Variants in NUDT13 observed in about 807,000 individuals in gnomAD.
The protein encoded by NUDT13 is NAD(P)H pyrophosphatase NUDT13, mitochondrial.
In NUDT13, 40 loss-of-function variants were observed where a neutral mutation model predicts 41.7. The observed-to-expected ratio is 0.96, with a 90% confidence interval of 0.75 to 1.25. NUDT13 has a LOEUF of 1.25. NUDT13 is among the 50% of genes most tolerant of loss of function. NUDT13 has a pLI of 0.00. For synonymous variants in NUDT13, 145 were observed against 155.5 expected, an observed-to-expected ratio of 0.93 and a Z score of 0.50; for missense variants, 390 against 416.1, an observed-to-expected ratio of 0.94 and a Z score of 0.55.
Position 73,130,794 on chromosome 10 carries a change from A to G in NUDT13, c.950A>G (p.Gln317Arg), listed in dbSNP as rs112073647. 9.9e-6 allele frequency: 16 copies of G among 1,613,870 alleles called. No individual in the cohort carries two copies. In the South Asian group the frequency reaches 1.6e-4, roughly 17 times the overall value. Residue 317 changes from glutamine (Q) to arginine (R), a missense_variant, in exon 9 of 9, where the codon CAG becomes CGG. Physicochemically the swap from Gln to Arg is conservative, Grantham distance 43 (BLOSUM62 1). Transcript: ENST00000357321. ...CTGAAGAGAAAGGGCCCCTATACTCAGCAACAGAATGGGACTTTCCCATTC... is the reference window on the plus strand; with the variant it reads ...CTGAAGAGAAAGGGCCCCTATACTCGGCAACAGAATGGGACTTTCCCATTC... Reference protein sequence around the residue: ...TALKRKGPYTQQQNGTFPFWL... With the variant: ...TALKRKGPYTRQQNGTFPFWL...
At position 73,125,245 on chromosome 10, in the gene NUDT13, TA is replaced by T; in HGVS notation, c.591+4del. 10 of 1,608,196 alleles carry T rather than the reference TA, an allele frequency of 6.2e-6. No individual in the cohort carries two copies. Among genetic ancestry groups the T allele is most frequent in the Non-Finnish European group, 8.5e-6 (10 of 1,177,636 alleles). On this transcript the variant is annotated splice_donor_region_variant and intron_variant, in intron 6 of 8. Transcript: ENST00000357321. ...AATAATATAATCTATTATCCACAGG[TA>T]ATTATTGCTGTAAGAGGACAGTAAT...
intron 2 of NUDT13, among the ~76,000 whole-genome samples, chr10:73,119,136 C>T (rs1159311470): frequency 1.3e-5 from 2 of 151,818 alleles, no homozygotes; most frequent in Non-Finnish European, 2.9e-5. Context: ...ACCTTCGCCT[C>T]CCAGGTTCAA....
chr10:73,122,504 C>T (rs992899748), intron 4 of NUDT13, among the ~76,000 whole-genome samples, 195 bp downstream of exon 4: 3 of 152,174 alleles, frequency 2.0e-5, no homozygotes, highest in East Asian at 1.9e-4. Flanking sequence ...TTAATGCCTT[C>T]TAAGTTAGGT....
At chr10:73,113,198 T>G (rs1307446861) in intron 1 of NUDT13, among the ~76,000 whole-genome samples, 2 of 152,200 alleles carry the variant, frequency 1.3e-5, no homozygotes, top group Non-Finnish European at 2.9e-5. Context: ...TTCTATTTGT[T>G]CTTAAGTCGC....
At chr10:73,117,166 C>T (rs747091225) in intron 2 of NUDT13, among the ~76,000 whole-genome samples, 55 of 151,212 alleles carry the variant, frequency 3.6e-4, no homozygotes, top group Non-Finnish European at 6.2e-4. Context: ...TACAGGAGTA[C>T]GCCACCACGC....
chr10:73,112,477 G>A (rs928840136), intron 1 of NUDT13, among the ~76,000 whole-genome samples: 1 of 151,294 alleles, frequency 6.6e-6, no homozygotes, highest in South Asian at 2.1e-4. Context: ...TTTTTCTCCA[G>A]CTTTATTAAG....
At chr10:73,111,996 C>T (rs906594411) in intron 1 of NUDT13, among the ~76,000 whole-genome samples, 1 of 152,082 alleles carries the variant, frequency 6.6e-6, no homozygotes, top group African/African-American at 2.4e-5. Context: ...TTGTCTTCAT[C>T]CCACTCCCCC....
intron 3 of NUDT13, among the ~76,000 whole-genome samples, chr10:73,121,650 C>A (rs187902692): frequency 9.2e-5 from 14 of 152,244 alleles, no homozygotes; most frequent in Non-Finnish European, 1.9e-4. Context: ...CCTTGAACTC[C>A]TTGGCTCAAG....
At chr10:73,125,663 A>G (rs1046565950) in intron 7 of NUDT13, 154 bp downstream of exon 7, 1 of 131,896 alleles carries the variant, frequency 7.6e-6, no homozygotes, top group Admixed American at 7.9e-5. Flanking sequence ...ATATATATAT[A>G]TATATATATA....
At chr10:73,123,680 T>C (rs1188028041) in intron 4 of NUDT13, among the ~76,000 whole-genome samples, 1 of 152,124 alleles carries the variant, frequency 6.6e-6, no homozygotes, top group Non-Finnish European at 1.5e-5. Context: ...TTATTTATTT[T>C]GAGATGGAGT....
intron 3 of NUDT13, among the ~76,000 whole-genome samples, chr10:73,120,494 A>G (rs1363824027): frequency 6.6e-6 from 1 of 152,190 alleles, no homozygotes; most frequent in African/African-American, 2.4e-5. Context: ...GTCTATGGCT[A>G]CTTTTGCACT....
rs1166516974 is a variant in NUDT13 at position 73,126,658 on chromosome 10, T to C, written c.704-15T>C. ...AGCCTACAGGGCTGTCCTGAATTAA[T>C]CTGAGTGCTTGTAGGTGAAAGTGTG... On this transcript the variant is annotated splice_polypyrimidine_tract_variant and intron_variant, in intron 7 of 8. Transcript: ENST00000357321. 6.2e-7 allele frequency: 1 copy of C among 1,613,862 alleles called. No homozygotes were observed. Among genetic ancestry groups the C allele is most frequent in the South Asian group, 1.1e-5 (1 of 91,060 alleles).
chr10:73,113,139 G>A (rs1372041916), intron 1 of NUDT13, among the ~76,000 whole-genome samples: 4 of 152,096 alleles, frequency 2.6e-5, no homozygotes, highest in African/African-American at 4.8e-5. Flanking sequence ...CGCCCGCCTC[G>A]GCCTCCCAAA....
intron 3 of NUDT13, among the ~76,000 whole-genome samples, chr10:73,121,617 A>G (rs934506995): frequency 1.3e-4 from 20 of 152,138 alleles, no homozygotes; most frequent in African/African-American, 4.1e-4. Context: ...TAATTATAGA[A>G]CTGGATTGGT....
At position 73,110,511 on chromosome 10, in the gene NUDT13, T is replaced by C. The variant is rs1457374342; in HGVS notation, c.-66T>C. The C allele has an allele frequency of 6.6e-6, 1 of 152,062 alleles. No homozygotes were observed. Among genetic ancestry groups the C allele is most frequent in the African/African-American group, 2.4e-5 (1 of 41,390 alleles). The allele number at this position is 152,062 out of a possible 1,614,324, so 9.4% of individuals were successfully genotyped here. On this transcript the variant is annotated 5_prime_UTR_variant, in exon 1 of 9. Coordinates refer to ENST00000357321, the MANE Select transcript of NUDT13 (RefSeq NM_015901.6). ...AGCCGTTGAACGTGAACATTTGGAG[T>C]TTCCTCTTTTGTGCTGATTCCTGAG... is the stretch of plus-strand genomic sequence containing the variant.
In NUDT13 at chr10:73,114,436, T is replaced by C. The variant is rs143864075; in HGVS notation, c.71T>C (p.Val24Ala). The change falls in exon 2 of 9, where the codon GTT becomes GCT. Residue 24 changes from valine (V) to alanine (A), a missense_variant. Transcript: ENST00000357321. The stretch of plus-strand genomic sequence containing the variant: ...TGCTATAGGCTGCTGTCAACCTATG[T>C]TACTAAGACACGGTGAGTTTTAGCC... ...FWCYRLLSTY[V>A]TKTRYLFELK... is the part of the protein sequence containing the mutation. 4,608 of 1,578,248 alleles carry C rather than the reference T, an allele frequency of 2.9e-3. 29 individuals are homozygous for C. The highest frequency in any genetic ancestry group is 0.011 in the South Asian group (966 of 84,698).
intron 4 of NUDT13, 67 bp from the exon 5 acceptor site, chr10:73,124,138 AACAGGATAG>A (rs1320076529): frequency 1.0e-6 from 1 of 996,994 alleles, no homozygotes; most frequent in Non-Finnish European, 1.6e-6. Context: ...ACACTATTTT[AACAGGATAG>A]ACTGGAGAGA....
chr10:73,114,414 T>TATA lies in NUDT13; in HGVS notation c.50_52dup (p.Tyr17_Arg18insAsn). The stretch of plus-strand genomic sequence containing the variant: ...TTGCAGGAGAAAATTTTTTTGGTGC[T>TATA]ATAGGCTGCTGTCAACCTATGTTAC... On this transcript the variant is annotated inframe_insertion, in exon 2 of 9. Coordinates refer to ENST00000357321, the MANE Select transcript of NUDT13 (RefSeq NM_015901.6). The TATA allele has an allele frequency of 1.3e-6, 2 of 1,595,642 alleles. No homozygotes were observed. The highest frequency in any genetic ancestry group is 1.7e-6 in the Non-Finnish European group (2 of 1,168,360).
intron 7 of NUDT13, 158 bp downstream of exon 7, chr10:73,125,667 A>ATG: frequency 5.7e-6 from 1 of 173,974 alleles, no homozygotes; most frequent in Non-Finnish European, 1.2e-5. Flanking sequence ...ATATATATAT[A>ATG]TATATATATA....
Sources: allele counts gnomAD v4.1 joint callset (sites outside exome capture counted in the v4.1 genomes callset), GRCh38; gene constraint gnomAD v4.1.1; transcripts MANE v1.5; gene names NCBI Gene and HGNC (gene_info 2026-07-23, HGNC 2026-07-21).